Variants in PPP6C observed in about 807,000 individuals in gnomAD.
The protein encoded by PPP6C is serine/threonine-protein phosphatase 6 catalytic subunit.
A neutral mutation model predicts 39.8 loss-of-function variants in PPP6C; 11 were observed. The observed-to-expected ratio is 0.28, with a 90% CI of 0.17 to 0.46. The LOEUF is 0.46. Ranked by LOEUF, PPP6C falls within the 20% of genes least tolerant of loss-of-function variation. The pLI, the probability that PPP6C is intolerant of heterozygous loss-of-function variation, is 1.00. For missense variants in PPP6C, 211 were observed against 373.9 expected (o/e 0.56, Z 3.59); for synonymous variants, 129 against 130.3 (o/e 0.99, Z 0.07).
At chr9:125,153,272 T>A (rs1176614044) in intron 6 of PPP6C, among the ~76,000 whole-genome samples, 1 of 151,528 alleles carries the variant, frequency 6.6e-6, no homozygotes, top group Non-Finnish European at 1.5e-5. Context: ...CAAGACTCCA[T>A]CTCAAAAACA....
intron 1 of PPP6C, among the ~76,000 whole-genome samples, chr9:125,185,992 G>C (rs889894895): frequency 6.6e-6 from 1 of 152,008 alleles, no homozygotes; most frequent in African/African-American, 2.4e-5. Context: ...AACAAAAACA[G>C]TTATGTAGAT....
intron 1 of PPP6C, among the ~76,000 whole-genome samples, chr9:125,187,235 C>T (rs897705075): frequency 1.3e-5 from 2 of 151,792 alleles, no homozygotes; most frequent in South Asian, 2.1e-4. Flanking sequence ...GCGTGAGCCA[C>T]TGCACCTGGC....
At chr9:125,186,175 C>T (rs1454030886) in intron 1 of PPP6C, among the ~76,000 whole-genome samples, 1 of 152,016 alleles carries the variant, frequency 6.6e-6, no homozygotes, top group Non-Finnish European at 1.5e-5. Context: ...CATTAAGTGG[C>T]CTCAATGATT....
intron 1 of PPP6C, among the ~76,000 whole-genome samples, chr9:125,179,546 A>G (rs1829379415): frequency 6.6e-6 from 1 of 151,910 alleles, no homozygotes; most frequent in South Asian, 2.1e-4. Flanking sequence ...CTACCTAGGC[A>G]TGCTCCCTCC....
At chr9:125,151,389 T>A (rs995489413) in intron 6 of PPP6C, 1 of 995,194 alleles carries the variant, frequency 1.0e-6, no homozygotes, top group Non-Finnish European at 1.6e-6. Flanking sequence ...ACTCACAGAA[T>A]CTTCTCTGGT....
At chr9:125,153,822 A>G (rs2131300076) in intron 5 of PPP6C, 80 bp from the exon 6 acceptor site, 1 of 1,527,954 alleles carries the variant, frequency 6.5e-7, no homozygotes, top group Non-Finnish European at 9.1e-7. Flanking sequence ...AAAGATATCA[A>G]TATAATTGAG....
chr9:125,152,404 T>C (rs1835969252), intron 6 of PPP6C, among the ~76,000 whole-genome samples: 1 of 152,224 alleles, frequency 6.6e-6, no homozygotes, highest in South Asian at 2.1e-4. Flanking sequence ...CTTAGCCTAC[T>C]ACCACTGTGG....
intron 3 of PPP6C, among the ~76,000 whole-genome samples, chr9:125,159,758 T>C (rs1464009925): frequency 6.6e-6 from 1 of 152,170 alleles, no homozygotes; most frequent in African/African-American, 2.4e-5. Flanking sequence ...ACCCCTGTAA[T>C]CCCAGCACTT....
chr9:125,189,543 C>T (rs1829615540), intron 1 of PPP6C, 101 bp downstream of exon 1: 1 of 1,557,812 alleles, frequency 6.4e-7, no homozygotes, highest in African/African-American at 1.4e-5. Flanking sequence ...AGGCCCTCCA[C>T]CGCGACTGGA....
chr9:125,148,321 C>T lies in PPP6C; in HGVS notation c.*1352G>A, dbSNP rs1564143489. On this transcript the variant is annotated 3_prime_UTR_variant, in exon 7 of 7. Transcript: ENST00000373547. ...AAAAATTAATCATAGTAAAGGGATA[C>T]CAACTATTTCACAAAATGTACATTC... 6.6e-6 allele frequency: 1 copy of T among 152,074 alleles called. No homozygotes were observed. The highest frequency in any genetic ancestry group is 1.5e-5 in the Non-Finnish European group (1 of 68,000). The allele number at this position is 152,074 out of a possible 1,614,324, so 9.4% of individuals were successfully genotyped here.
In PPP6C at chr9:125,188,423, C is replaced by A. The variant is rs569981764; in HGVS notation, c.75+1221G>T. On this transcript the variant is annotated intron_variant, in intron 1 of 6. Coordinates refer to ENST00000373547, the MANE Select transcript of PPP6C (RefSeq NM_002721.5). ...ACACTGAGTCGGTTAAATACTAGCA[C>A]GAGCTGATAAGCACTGCTAGAAACC... Among the ~76,000 whole-genome samples, 10 of 151,950 alleles carry A rather than the reference C, an allele frequency of 6.6e-5. No individual in the cohort carries two copies. The South Asian group carries it at 2.1e-3, about 32-fold the overall frequency.
chr9:125,179,527 T>A (rs974314756), intron 1 of PPP6C, among the ~76,000 whole-genome samples: 3 of 152,182 alleles, frequency 2.0e-5, no homozygotes, highest in African/African-American at 7.2e-5. Flanking sequence ...CCTCACCAGG[T>A]CTGGGTGGCT....
intron 2 of PPP6C, among the ~76,000 whole-genome samples, chr9:125,161,230 C>T (rs1325271050): frequency 1.3e-5 from 2 of 152,086 alleles, no homozygotes; most frequent in African/African-American, 4.8e-5. Flanking sequence ...GCTAATCTAA[C>T]AGCCCACCCA....
In PPP6C at chr9:125,151,009, C is replaced by T. The variant is rs557603639; in HGVS notation, c.670-1088G>A. The stretch of plus-strand genomic sequence containing the variant: ...CATGCTATCTGTGGCAGGCGCAGAT[C>T]ATATTATCACCATGGACCTACATGC... On this transcript the variant is annotated intron_variant, in intron 6 of 6. Transcript: ENST00000373547. 4.4e-6 allele frequency: 6 copies of T among 1,369,594 alleles called. No homozygotes were observed. In the African/African-American group the frequency reaches 8.6e-5, roughly 20 times the overall value. 84.8% of individuals were successfully genotyped at this position (1,369,594 alleles called of 1,614,324 possible).
At chr9:125,173,037 G>A (rs2131331300) in intron 1 of PPP6C, among the ~76,000 whole-genome samples, 1 of 152,308 alleles carries the variant, frequency 6.6e-6, no homozygotes, top group South Asian at 2.1e-4. Flanking sequence ...AGCATTTTGG[G>A]AGGCCAAAGT....
At position 125,160,750 on chromosome 9, in the gene PPP6C, A is replaced by G. The variant is rs1828851870; in HGVS notation, c.237+91T>C. 3 of 933,112 alleles carry G rather than the reference A, an allele frequency of 3.2e-6. No individual in the cohort carries two copies. In the East Asian group the frequency reaches 8.2e-5, roughly 25 times the overall value. The allele number at this position is 933,112 out of a possible 1,614,324, so 57.8% of individuals were successfully genotyped here. ...TTAATATACTGAAATAGGGACTGTC[A>G]CATGGTAAAGAATTATTATGCAATT... On this transcript the variant is annotated intron_variant, in intron 3 of 6. Transcript: ENST00000373547.
At chr9:125,170,252 T>C (rs1372198688) in intron 2 of PPP6C, among the ~76,000 whole-genome samples, 3 of 152,002 alleles carry the variant, frequency 2.0e-5, no homozygotes, top group African/African-American at 7.3e-5. Flanking sequence ...TTTTTTTTTT[T>C]TTTAGACAGA....
intron 4 of PPP6C, among the ~76,000 whole-genome samples, chr9:125,157,410 T>C (rs2131305104): frequency 6.6e-6 from 1 of 152,234 alleles, no homozygotes; most frequent in South Asian, 2.1e-4. Context: ...AGTCCAACGA[T>C]AGAGGAAAAA....
chr9:125,171,216 A>G (rs2131327499), intron 1 of PPP6C, 36 bp from the exon 2 acceptor site: 1 of 1,444,240 alleles, frequency 6.9e-7, no homozygotes, highest in Non-Finnish European at 9.5e-7. Context: ...AACATTTACT[A>G]CAACATTAAA....
Sources: gnomAD v4.1 joint callset for allele counts (sites outside exome capture counted in the v4.1 genomes callset) on GRCh38, gnomAD v4.1.1 for gene constraint, MANE v1.5 for transcripts, NCBI Gene and HGNC (gene_info 2026-07-23, HGNC 2026-07-21) for gene names.